Variants in PIK3C2A observed in about 807,000 individuals in gnomAD.
The protein encoded by PIK3C2A is phosphatidylinositol-4-phosphate 3-kinase catalytic subunit type 2 alpha.
PIK3C2A carries 97 observed loss-of-function variants against 204.5 expected under a neutral mutation model. The observed-to-expected ratio is 0.47, with a 90% confidence interval of 0.40 to 0.56. The LOEUF (loss-of-function observed/expected upper bound fraction) is 0.56. Ranked by LOEUF, PIK3C2A falls within the 20% of genes least tolerant of loss-of-function variation. PIK3C2A has a pLI of 0.00. For missense variants in PIK3C2A, 1,735 were observed against 1,969.2 expected, an observed-to-expected ratio of 0.88 and a Z score of 2.25; for synonymous variants, 653 against 664.4, an observed-to-expected ratio of 0.98 and a Z score of 0.26.
chr11:17,093,277 A>T (rs1848360334), intron 28 of PIK3C2A, among the ~76,000 whole-genome samples: 1 of 152,128 alleles, frequency 6.6e-6, no homozygotes, highest in African/African-American at 2.4e-5. Flanking sequence ...CTTGTTATTT[A>T]TTTTTTTGAG....
chr11:17,087,027 G>A lies in PIK3C2A; in HGVS notation c.*2711C>T, dbSNP rs1178092543. On this transcript the variant is annotated 3_prime_UTR_variant, in exon 33 of 33. Transcript: ENST00000691414. ...GGCAGTAATAAAAATATCAGTGCAA[G>A]TTCTACATTGGGTTCCTCAGTAGAG... 1 of 152,136 alleles carries A rather than the reference G, an allele frequency of 6.6e-6. No individual in the cohort carries two copies. The highest frequency in any genetic ancestry group is 2.4e-5 in the African/African-American group (1 of 41,438). 9.4% of individuals were successfully genotyped at this position (152,136 alleles called of 1,614,324 possible). A position where few individuals can be genotyped will look rare whatever the true frequency, so the allele number is the denominator to read the frequency against.
intron 19 of PIK3C2A, 114 bp downstream of exon 19, chr11:17,117,377 A>T: frequency 3.2e-6 from 2 of 624,786 alleles, no homozygotes; most frequent in Non-Finnish European, 5.6e-6. Flanking sequence ...GCATGGGTAT[A>T]GTTAGAGTTC....
At chr11:17,166,231 T>C (rs913205334) in intron 2 of PIK3C2A, among the ~76,000 whole-genome samples, 3 of 152,002 alleles carry the variant, frequency 2.0e-5, no homozygotes, top group Non-Finnish European at 4.4e-5. Context: ...TCTGTCTCAG[T>C]GATTAAAAAA....
At chr11:17,139,990 T>C (rs932057413) in intron 8 of PIK3C2A, among the ~76,000 whole-genome samples, 4 of 152,174 alleles carry the variant, frequency 2.6e-5, no homozygotes, top group African/African-American at 9.7e-5. Flanking sequence ...CTCCTTCCCA[T>C]TCCCTATAGG....
intron 1 of PIK3C2A, among the ~76,000 whole-genome samples, chr11:17,192,366 C>T (rs1429232258): frequency 6.6e-6 from 1 of 152,156 alleles, no homozygotes; most frequent in African/African-American, 2.4e-5. Context: ...ACATCTCCAT[C>T]TCATATTTTA....
At chr11:17,139,765 A>T (rs1363503667) in intron 8 of PIK3C2A, among the ~76,000 whole-genome samples, 1 of 152,186 alleles carries the variant, frequency 6.6e-6, no homozygotes, top group East Asian at 1.9e-4. Flanking sequence ...CCACAATATC[A>T]TATCTGGTTA....
At chr11:17,178,771 G>C (rs1292453139) in intron 1 of PIK3C2A, among the ~76,000 whole-genome samples, 1 of 140,688 alleles carries the variant, frequency 7.1e-6, no homozygotes, top group Admixed American at 7.4e-5. Flanking sequence ...CGCCCAGGCC[G>C]GACTGCGGAC....
chr11:17,139,950 A>C (rs1850005199), intron 8 of PIK3C2A, among the ~76,000 whole-genome samples: 1 of 152,180 alleles, frequency 6.6e-6, no homozygotes, highest in African/African-American at 2.4e-5. Flanking sequence ...CACGGCACCT[A>C]AAATTCCTTT....
chr11:17,091,161 C>G (rs1254519091), intron 32 of PIK3C2A, among the ~76,000 whole-genome samples, 173 bp downstream of exon 32: 2 of 152,044 alleles, frequency 1.3e-5, no homozygotes, highest in Non-Finnish European at 2.9e-5. Flanking sequence ...GGAAAAATAG[C>G]TAATGCATGC....
chr11:17,145,822 C>CA (rs1326089060), intron 7 of PIK3C2A, 41 bp downstream of exon 7: 49 of 1,587,606 alleles, frequency 3.1e-5, no homozygotes, highest in Non-Finnish European at 4.1e-5. Flanking sequence ...CATCCAAAAA[C>CA]AAAGTCTGAA....
At chr11:17,104,005 C>T (rs1003618160) in intron 23 of PIK3C2A, among the ~76,000 whole-genome samples, 2 of 152,130 alleles carry the variant, frequency 1.3e-5, no homozygotes, top group African/African-American at 4.8e-5. Context: ...AAAGATCTAA[C>T]AAAGGTCAAA....
rs200262506 is a variant in PIK3C2A at position 17,169,256 on chromosome 11, G to T, written c.486C>A (p.Tyr162Ter). 6.2e-7 allele frequency: 1 copy of T among 1,613,990 alleles called. No homozygotes were observed. Among genetic ancestry groups the T allele is most frequent in the Non-Finnish European group, 8.5e-7 (1 of 1,179,978 alleles). ...CATTTTGGAATGCAGCCTGTTTACT[G>T]TAAGTAGAAGGATAAATAGAAGGTA... is the stretch of plus-strand genomic sequence containing the variant. Reference protein sequence around the residue: ...YALPSIYPSTYSKQAAFQNGF... With the variant: ...YALPSIYPST Residue 162 changes from tyrosine to a stop codon, truncating the protein, a stop_gained, in exon 2 of 33, where the codon TAC becomes TAA. Coordinates refer to ENST00000691414, the MANE Select transcript of PIK3C2A (RefSeq NM_002645.4). LOFTEE classifies it high-confidence loss of function.
chr11:17,099,795 C>T (rs1848562643), intron 26 of PIK3C2A, 65 bp downstream of exon 26: 2 of 751,060 alleles, frequency 2.7e-6, no homozygotes, highest in African/African-American at 1.8e-5. Context: ...TTTGTTTAAA[C>T]TAAGGTAAAA....
intron 26 of PIK3C2A, among the ~76,000 whole-genome samples, chr11:17,098,904 G>GT (rs989857876): frequency 3.3e-5 from 5 of 151,998 alleles, no homozygotes; most frequent in South Asian, 2.1e-4. Context: ...AAGAAGATCT[G>GT]TTTTTTTTGA....
chr11:17,194,008 G>A, intron 1 of PIK3C2A: 7 of 374,788 alleles, frequency 1.9e-5, no homozygotes, highest in Admixed American at 3.6e-5. Flanking sequence ...AAACAAGAAG[G>A]GCCTAAAGAA....
intron 8 of PIK3C2A, among the ~76,000 whole-genome samples, chr11:17,143,916 G>A (rs1850148268): frequency 6.6e-6 from 1 of 151,936 alleles, no homozygotes; most frequent in Admixed American, 6.6e-5. Flanking sequence ...CAGCCTGGGT[G>A]ACAAGGTAAG....
intron 1 of PIK3C2A, among the ~76,000 whole-genome samples, chr11:17,184,219 C>CT (rs974413386): frequency 1.2e-4 from 13 of 108,966 alleles, no homozygotes; most frequent in Admixed American, 1.2e-3. Flanking sequence ...ACTCCTTCTA[C>CT]TTTAAAAAAA....
chr11:17,150,978 C>T (rs1850406766), intron 3 of PIK3C2A, among the ~76,000 whole-genome samples: 1 of 152,144 alleles, frequency 6.6e-6, no homozygotes, highest in Non-Finnish European at 1.5e-5. Context: ...CCACACAGTA[C>T]AATTACACAA....
At chr11:17,104,951 G>C (rs1239573125) in intron 23 of PIK3C2A, among the ~76,000 whole-genome samples, 1 of 151,984 alleles carries the variant, frequency 6.6e-6, no homozygotes. Context: ...TATGTGTTTG[G>C]AAATTTTTGG....
Sources: allele counts gnomAD v4.1 joint callset (sites outside exome capture counted in the v4.1 genomes callset), GRCh38; gene constraint gnomAD v4.1.1; transcripts MANE v1.5; gene names NCBI Gene and HGNC (gene_info 2026-07-23, HGNC 2026-07-21).